ALPK2: variants seen among roughly 807,000 people sequenced by gnomAD.
The protein encoded by ALPK2 is alpha kinase 2, also known as alpha-protein kinase 2.
A neutral mutation model predicts 163.1 loss-of-function variants in ALPK2; 127 were observed. That is an observed-to-expected ratio of 0.78 (90% confidence interval 0.67 to 0.90). The LOEUF (loss-of-function observed/expected upper bound fraction) is 0.90, where lower values mean the gene tolerates loss of function less well. Ranked by LOEUF, ALPK2 falls within the 40% of genes least tolerant of loss-of-function variation. The pLI is 0.00. For missense variants in ALPK2, 2,360 were observed against 2,589.6 expected, an observed-to-expected ratio of 0.91 and a Z score of 1.92; for synonymous variants, 953 against 959.1, an observed-to-expected ratio of 0.99 and a Z score of 0.12.
At chr18:58,559,606 A>G (rs2051814539) in intron 4 of ALPK2, among the ~76,000 whole-genome samples, 1 of 152,176 alleles carries the variant, frequency 6.6e-6, no homozygotes, top group Non-Finnish European at 1.5e-5. Flanking sequence ...CGGGGATTCT[A>G]TAGTTGATTG....
intron 4 of ALPK2, among the ~76,000 whole-genome samples, chr18:58,556,023 T>A (rs1263205273): frequency 6.6e-6 from 1 of 152,168 alleles, no homozygotes; most frequent in Admixed American, 6.5e-5. Flanking sequence ...GGTTTCACCA[T>A]GTTAGCCAGG....
chr18:58,598,440 G>T (rs2052051838), intron 3 of ALPK2, among the ~76,000 whole-genome samples: 1 of 152,232 alleles, frequency 6.6e-6, no homozygotes, highest in South Asian at 2.1e-4. Flanking sequence ...GGTTCATGGA[G>T]AACTCAGGAG....
chr18:58,607,284 G>C (rs773500649), intron 3 of ALPK2, 38 bp downstream of exon 3: 3 of 1,411,470 alleles, frequency 2.1e-6, no homozygotes, highest in South Asian at 1.2e-5. Context: ...AGAATATAAG[G>C]ATATTAGTAA....
intron 10 of ALPK2, among the ~76,000 whole-genome samples, chr18:58,506,997 A>G (rs1476294143): frequency 6.6e-6 from 1 of 152,228 alleles, no homozygotes; most frequent in Non-Finnish European, 1.5e-5. Context: ...AGAAGAGATC[A>G]CCTAGTTTAA....
intron 1 of ALPK2, among the ~76,000 whole-genome samples, chr18:58,622,978 C>T (rs2052210114): frequency 6.6e-6 from 1 of 152,046 alleles, no homozygotes; most frequent in Admixed American, 6.6e-5. Context: ...TCACTCCCCG[C>T]CCCCCGACAG....
intron 4 of ALPK2, among the ~76,000 whole-genome samples, chr18:58,551,458 A>G (rs1223620473): frequency 6.6e-6 from 1 of 152,156 alleles, no homozygotes; most frequent in African/African-American, 2.4e-5. Context: ...GACACCAGTC[A>G]CTGGATTTAG....
intron 4 of ALPK2, among the ~76,000 whole-genome samples, chr18:58,548,887 A>G (rs1280677007): frequency 6.6e-6 from 1 of 152,126 alleles, no homozygotes; most frequent in Non-Finnish European, 1.5e-5. Flanking sequence ...TCCCTTTGCC[A>G]ACATATGTAG....
intron 12 of ALPK2, among the ~76,000 whole-genome samples, chr18:58,486,728 A>G (rs776527586): frequency 1.7e-4 from 26 of 152,144 alleles, no homozygotes; most frequent in South Asian, 6.2e-4. Flanking sequence ...TCCTTTCTCA[A>G]TTTGGCCTCT....
intron 4 of ALPK2, among the ~76,000 whole-genome samples, chr18:58,574,320 G>A (rs1187731363): frequency 6.6e-5 from 10 of 150,624 alleles, no homozygotes; most frequent in Admixed American, 2.6e-4. Flanking sequence ...GTGGTGGGGC[G>A]CACCTGTAAT....
At chr18:58,627,155 A>G (rs1056565007) in intron 1 of ALPK2, among the ~76,000 whole-genome samples, 26 of 152,188 alleles carry the variant, frequency 1.7e-4, no homozygotes, top group African/African-American at 6.3e-4. Context: ...GTAAGATACT[A>G]ACTCAACTGC....
At position 58,556,545 on chromosome 18, in the gene ALPK2, G is replaced by A. The variant is rs73961609; in HGVS notation, c.1963-18321C>T. Among the ~76,000 whole-genome samples the A allele has an allele frequency of 4.7e-3, 701 of 150,610 alleles. 4 individuals are homozygous for A. Among genetic ancestry groups the A allele is most frequent in the African/African-American group, 0.016 (674 of 41,256 alleles). On this transcript the variant is annotated intron_variant, in intron 4 of 12. Transcript: ENST00000361673. ...TTTCTACCTTCAATACGTGTCAGCTGTTATTAGCTACGGGGTGGTGGAGCT... is the reference window on the plus strand; with the variant it reads ...TTTCTACCTTCAATACGTGTCAGCTATTATTAGCTACGGGGTGGTGGAGCT...
intron 10 of ALPK2, among the ~76,000 whole-genome samples, chr18:58,510,823 A>G (rs995630759): frequency 1.3e-5 from 2 of 152,346 alleles, no homozygotes; most frequent in African/African-American, 4.8e-5. Context: ...CAATCATGTC[A>G]TCTGCAAACA....
chr18:58,580,839 G>A, intron 3 of ALPK2: 1 of 386,328 alleles, frequency 2.6e-6, no homozygotes. Flanking sequence ...GCCATGGCAG[G>A]GTCAGGACAT....
intron 10 of ALPK2, among the ~76,000 whole-genome samples, chr18:58,509,806 T>G (rs556993431): frequency 8.0e-4 from 121 of 151,586 alleles, no homozygotes; most frequent in African/African-American, 2.8e-3. Context: ...ATGAGTAGAT[T>G]GCAAAAATTT....
In ALPK2 at chr18:58,510,384, G is replaced by A. The variant is rs200950624; in HGVS notation, c.6029+4609C>T. Among the ~76,000 whole-genome samples the A allele has an allele frequency of 1.8e-4, 27 of 152,228 alleles. No homozygotes were observed. In the East Asian group the frequency reaches 2.7e-3, roughly 15 times the overall value. The stretch of plus-strand genomic sequence containing the variant: ...GCAATGTGGGCTCTTTTTTGGTTCC[G>A]TATGAACTTTAAAGTAGTTTTTTCC... On this transcript the variant is annotated intron_variant, in intron 10 of 12. Transcript: ENST00000361673.
In ALPK2 at chr18:58,607,114, C is replaced by T. The variant is rs562712024; in HGVS notation, c.227+208G>A. Among the ~76,000 whole-genome samples the T allele has an allele frequency of 1.6e-4, 25 of 152,196 alleles. 1 individual carries two copies. The highest frequency in any genetic ancestry group is 2.8e-4 in the Non-Finnish European group (19 of 68,036). Reference sequence around the variant, plus strand: ...AGATAAAGTTTAACTCCATTGACAGCAGCAAATTAGGGGAATATAATTAGT... The same window carrying T: ...AGATAAAGTTTAACTCCATTGACAGTAGCAAATTAGGGGAATATAATTAGT... On this transcript the variant is annotated intron_variant, in intron 3 of 12. Coordinates refer to ENST00000361673, the MANE Select transcript of ALPK2 (RefSeq NM_052947.4).
chr18:58,558,981 G>A (rs1416867533), intron 4 of ALPK2, among the ~76,000 whole-genome samples: 1 of 152,240 alleles, frequency 6.6e-6, no homozygotes, highest in Admixed American at 6.5e-5. Context: ...TATAATGAAA[G>A]TGTTCTGAAA....
Position 58,534,932 on chromosome 18 carries a change from G to A in ALPK2, c.5255C>T (p.Ser1752Leu). The stretch of plus-strand genomic sequence containing the variant: ...TTTGGGCATCTTTTTAAGAAAGGCT[G>A]AGTTCTTTCTGATATTTTCCTTTTC... The part of the protein sequence containing the change: ...LEEKENIRKN[S>L]AFLKKMPKLE... The change falls in exon 5 of 13, where the codon TCA becomes TTA. Residue 1752 changes from serine (S) to leucine (L), a missense_variant. By Grantham distance (145) the Ser-to-Leu change is moderately radical (BLOSUM62 -2). Transcript: ENST00000361673. The A allele has an allele frequency of 6.2e-7, 1 of 1,614,138 alleles. No homozygotes were observed. The highest frequency in any genetic ancestry group is 1.3e-5 in the African/African-American group (1 of 75,038).
intron 5 of ALPK2, among the ~76,000 whole-genome samples, chr18:58,532,073 G>A (rs1169536906): frequency 6.6e-6 from 1 of 151,816 alleles, no homozygotes; most frequent in African/African-American, 2.4e-5. Flanking sequence ...GATTCGTATG[G>A]ATTAGTGCCC....
Sources: gnomAD v4.1 joint callset for allele counts (sites outside exome capture counted in the v4.1 genomes callset) on GRCh38, gnomAD v4.1.1 for gene constraint, MANE v1.5 for transcripts, NCBI Gene and HGNC (gene_info 2026-07-23, HGNC 2026-07-21) for gene names.